Variants in ZP4 observed in about 807,000 individuals in gnomAD.
ZP4 encodes zona pellucida glycoprotein 4.
A neutral mutation model predicts 62.3 loss-of-function variants in ZP4; 62 were observed. The observed-to-expected ratio is 0.99, with a 90% CI of 0.81 to 1.23. The LOEUF is 1.23. Ranked by LOEUF, ZP4 falls within the 50% of genes most tolerant of loss-of-function variation. ZP4 has a pLI of 0.00. For missense variants in ZP4, 774 were observed against 656.0 expected (o/e 1.18, Z -1.97); for synonymous variants, 289 against 247.3 (o/e 1.17, Z -1.58).
intron 3 of ZP4, among the ~76,000 whole-genome samples, chr1:237,888,747 A>T (rs1028270879): frequency 1.3e-5 from 2 of 152,348 alleles, no homozygotes; most frequent in South Asian, 2.1e-4. Context: ...AAAAACAAGA[A>T]TGTCAACAAA....
intron 1 of ZP4, 96 bp from the exon 2 acceptor site, chr1:237,890,272 T>C (rs1665210323): frequency 1.9e-6 from 3 of 1,578,308 alleles, no homozygotes; most frequent in Non-Finnish European, 2.6e-6. Flanking sequence ...GGAGCAACTG[T>C]CAATAAGAGG....
chr1:237,883,732 G>GAA (rs1664986856), intron 10 of ZP4, among the ~76,000 whole-genome samples: 9 of 66,730 alleles, frequency 1.3e-4, no homozygotes, highest in Admixed American at 4.2e-4. Flanking sequence ...GGCGGGGGAG[G>GAA]GAGAGAGAGG....
In ZP4 at chr1:237,886,987, A is replaced by G. The variant is rs912342512; in HGVS notation, c.742-119T>C. ...TGTATGGTATATTTCCTATTACTTCAGCAGAGGTAAGAACACATAGCAGTG... is the reference window on the plus strand; with the variant it reads ...TGTATGGTATATTTCCTATTACTTCGGCAGAGGTAAGAACACATAGCAGTG... On this transcript the variant is annotated intron_variant, in intron 5 of 11. Transcript: ENST00000366570. 1.4e-5 allele frequency: 12 copies of G among 855,468 alleles called. No individual in the cohort carries two copies. The African/African-American group carries it at 2.1e-4, about 15-fold the overall frequency. The allele number at this position is 855,468 out of a possible 1,614,324, so 53.0% of individuals were successfully genotyped here.
In ZP4 at chr1:237,888,551, A is replaced by G. The variant is rs758418547; in HGVS notation, c.401-41T>C. 4 of 1,549,484 alleles carry G rather than the reference A, an allele frequency of 2.6e-6. No individual in the cohort carries two copies. The African/African-American group carries it at 4.1e-5, about 16-fold the overall frequency. On this transcript the variant is annotated intron_variant, in intron 3 of 11. Coordinates refer to ENST00000366570, the MANE Select transcript of ZP4 (RefSeq NM_021186.5). ...GAGTAAGTCAGGTTAGATAATGGAA[A>G]AGTTAGTCTTGAATACCATTTTGAT... is the stretch of plus-strand genomic sequence containing the variant.
intron 10 of ZP4, among the ~76,000 whole-genome samples, chr1:237,883,436 CG>C (rs1043424764): frequency 6.6e-6 from 1 of 151,170 alleles, no homozygotes; most frequent in African/African-American, 2.4e-5. Context: ...AGACAAAGGC[CG>C]GGCGTGGTGG....
chr1:237,886,924 C>T (rs1034493246), intron 5 of ZP4, 56 bp from the exon 6 acceptor site: 1 of 1,485,558 alleles, frequency 6.7e-7, no homozygotes, highest in African/African-American at 1.4e-5. Flanking sequence ...TGCTGCTTGA[C>T]TTGCATCTGG....
chr1:237,884,866 C>G lies in ZP4; in HGVS notation c.1312-19G>C. 1 of 1,610,772 alleles carries G rather than the reference C, an allele frequency of 6.2e-7. No individual in the cohort carries two copies. Among genetic ancestry groups the G allele is most frequent in the Non-Finnish European group, 8.5e-7 (1 of 1,178,176 alleles). On this transcript the variant is annotated intron_variant, in intron 9 of 11. Coordinates refer to ENST00000366570, the MANE Select transcript of ZP4 (RefSeq NM_021186.5). ...GATGCACCTGGGAGCCAACAGAATT[C>G]AGGTCATTTGTAGTATCACCATGCC...
chr1:237,889,134 C>T (rs1665177138), intron 3 of ZP4, among the ~76,000 whole-genome samples: 1 of 152,136 alleles, frequency 6.6e-6, no homozygotes, highest in Non-Finnish European at 1.5e-5. Context: ...GTCCTAGTCT[C>T]AGTGCACATC....
In ZP4 at chr1:237,885,236, G is replaced by A. The variant is rs1665069155; in HGVS notation, c.1240C>T (p.His414Tyr). ...AAGGTGAAGATGCTGAAGCGCTGGTGGTGAGAGGGAAATGGAAGATCCAAG... is the reference window on the plus strand; with the variant it reads ...AAGGTGAAGATGCTGAAGCGCTGGTAGTGAGAGGGAAATGGAAGATCCAAG... The part of the protein sequence containing the change: ...KALDLPFPSH[H>Y]QRFSIFTFSF... The change falls in exon 9 of 12, where the codon CAC (histidine) becomes TAC (tyrosine). Residue 414 changes from histidine to tyrosine, a missense_variant. Transcript: ENST00000366570. 3 of 1,614,184 alleles carry A rather than the reference G, an allele frequency of 1.9e-6. No individual in the cohort carries two copies. The highest frequency in any genetic ancestry group is 2.5e-6 in the Non-Finnish European group (3 of 1,180,038).
At chr1:237,889,201 T>A (rs1233972702) in intron 3 of ZP4, among the ~76,000 whole-genome samples, 1 of 152,194 alleles carries the variant, frequency 6.6e-6, no homozygotes, top group African/African-American at 2.4e-5. Context: ...TTATTTCCTA[T>A]CATTCTCCCC....
chr1:237,885,433 G>A lies in ZP4; in HGVS notation c.1118C>T (p.Thr373Ile), dbSNP rs1343799854. Residue 373 changes from threonine (T) to isoleucine (I), a missense_variant, in exon 8 of 12, where the codon ACT becomes ATT. By Grantham distance (89) the Thr-to-Ile change is moderately conservative. Transcript: ENST00000366570. The stretch of plus-strand genomic sequence containing the variant: ...CCACTGTGGCTGACTCAGGGGGTCA[G>A]TGCTGGGTGTTGCCCAACACTGTTG... ...LLQQCWATPS[T>I]DPLSQPQWPI... 1 of 1,613,786 alleles carries A rather than the reference G, an allele frequency of 6.2e-7. No homozygotes were observed. The highest frequency in any genetic ancestry group is 1.3e-5 in the African/African-American group (1 of 74,912).
chr1:237,888,006 G>A (rs1665146091), intron 4 of ZP4, among the ~76,000 whole-genome samples: 1 of 152,152 alleles, frequency 6.6e-6, no homozygotes, highest in Non-Finnish European at 1.5e-5. Context: ...CCTCAGAGCA[G>A]GATTAGAGAC....
In ZP4 at chr1:237,884,029, CACAAACACACACAA is replaced by C. The variant is rs1558531175; in HGVS notation, c.1390+726_1390+739del. Among the ~76,000 whole-genome samples the C allele has an allele frequency of 1.8e-3, 165 of 94,068 alleles. 3 individuals carry two copies. The highest frequency in any genetic ancestry group is 7.2e-3 in the African/African-American group (150 of 20,710). 61.7% of individuals were successfully genotyped at this position (94,068 alleles called of 152,430 possible). ...ACACACACACACAAACACACACACA[CACAAACACACACAA>C]ACACACACAAACACACACAAACACA... On this transcript the variant is annotated intron_variant, in intron 10 of 11. Transcript: ENST00000366570.
At position 237,882,840 on chromosome 1, in the gene ZP4, C is replaced by G. The variant is rs1335850145; in HGVS notation, c.1397G>C (p.Arg466Thr). 1 of 1,613,040 alleles carries G rather than the reference C, an allele frequency of 6.2e-7. No homozygotes were observed. The highest frequency in any genetic ancestry group is 1.1e-5 in the South Asian group (1 of 91,018). The change falls in exon 11 of 12, where the codon AGA becomes ACA. Residue 466 changes from arginine (R) to threonine (T), a missense_variant. Arg to Thr is a moderately conservative substitution (Grantham distance 71). Transcript: ENST00000366570. ...VVTCPDLSRR[R>T]NFDNSSQNTT... ...GTTCTGAGAACTGTTGTCAAAATTT[C>G]TTCTTCCTGTTAGAGAAATGAGACC...
chr1:237,883,967 A>AAACAC (rs1558530648), intron 10 of ZP4, among the ~76,000 whole-genome samples: 2 of 86,524 alleles, frequency 2.3e-5, no homozygotes, highest in African/African-American at 5.7e-5. Context: ...CACACACACA[A>AAACAC]ACACACACAC....
At chr1:237,884,747 C>T (rs1430767500) in intron 10 of ZP4, 22 bp downstream of exon 10, 27 of 1,608,676 alleles carry the variant, frequency 1.7e-5, no homozygotes, top group Non-Finnish European at 2.3e-5. Flanking sequence ...CAAATCTGTC[C>T]TCTAACAGCT....
At chr1:237,885,038 G>T in intron 9 of ZP4, 127 bp downstream of exon 9, 1 of 1,351,902 alleles carries the variant, frequency 7.4e-7, no homozygotes, top group Non-Finnish European at 1.0e-6. Context: ...AACAAGGGTT[G>T]CTCTGAGTCA....
At chr1:237,883,561 A>G (rs1664964689) in intron 10 of ZP4, among the ~76,000 whole-genome samples, 1 of 148,312 alleles carries the variant, frequency 6.7e-6, no homozygotes, top group East Asian at 2.0e-4. Context: ...CCAAAAATAC[A>G]AAATGAGCTG....
In ZP4 at chr1:237,884,824, T is replaced by G. The variant is rs751843901; in HGVS notation, c.1335A>C (p.Ser445=). Residue 445 remains serine (S), a synonymous_variant, in exon 10 of 12, where the codon TCA becomes TCC. Coordinates refer to ENST00000366570, the MANE Select transcript of ZP4 (RefSeq NM_021186.5). ...ATGGTGTCTCAGCAGGCTGGCAGAC[T>G]GACACGCTGCAGTGCAGATGCACCT... ...RGPVHLHCSV[S]VCQPAETPSC... 1.2e-6 allele frequency: 2 copies of G among 1,613,698 alleles called. No individual in the cohort carries two copies. Among genetic ancestry groups the G allele is most frequent in the South Asian group, 2.2e-5 (2 of 90,864 alleles).
Sources: allele counts gnomAD v4.1 joint callset (sites outside exome capture counted in the v4.1 genomes callset), GRCh38; gene constraint gnomAD v4.1.1; transcripts MANE v1.5; gene names NCBI Gene and HGNC (gene_info 2026-07-23, HGNC 2026-07-21).